Variants in ROBO1 observed in about 807,000 individuals in gnomAD.
ROBO1 encodes the protein roundabout homolog 1.
Under a neutral mutation model 195.9 loss-of-function variants are expected in ROBO1, and 149 were observed. The ratio of observed to expected loss-of-function variants is 0.76; its 90% CI spans 0.67 to 0.87. The LOEUF (loss-of-function observed/expected upper bound fraction) is 0.87. Ranked by LOEUF, ROBO1 falls within the 40% of genes least tolerant of loss-of-function variation. The probability of loss-of-function intolerance (pLI) is 0.00; values close to 1 mark genes in which losing one functional copy is unlikely to be tolerated. For missense variants in ROBO1, 1,933 were observed against 2,068.3 expected (o/e 0.93, Z 1.27); for synonymous variants, 816 against 733.2 (o/e 1.11, Z -1.82).
At chr3:79,644,679 G>GAC (rs1945765948) in intron 1 of ROBO1, among the ~76,000 whole-genome samples, 1 of 152,056 alleles carries the variant, frequency 6.6e-6, no homozygotes, top group Admixed American at 6.6e-5. Flanking sequence ...TTTTGGTGGG[G>GAC]ACACAGCCAA....
At chr3:79,320,790 T>A (rs2033947249) in intron 2 of ROBO1, among the ~76,000 whole-genome samples, 1 of 152,252 alleles carries the variant, frequency 6.6e-6, no homozygotes, top group African/African-American at 2.4e-5. Flanking sequence ...TCAGAGTGGA[T>A]GTAAACAAAT....
intron 1 of ROBO1, among the ~76,000 whole-genome samples, chr3:79,693,383 T>TTG (rs55667736): frequency 0.033 from 4,797 of 145,168 alleles, 161 homozygotes; most frequent in African/African-American, 0.085. Flanking sequence ...ATATAGAGAT[T>TTG]TGTGTGTGTG....
chr3:79,530,757 A>C (rs1193104749), intron 2 of ROBO1, among the ~76,000 whole-genome samples: 1 of 12,278 alleles, frequency 8.1e-5, no homozygotes, highest in Non-Finnish European at 1.7e-4. Flanking sequence ...CCTTGTAACC[A>C]CACACACACA....
chr3:79,336,426 G>T (rs1350883011), intron 2 of ROBO1, among the ~76,000 whole-genome samples: 1 of 152,224 alleles, frequency 6.6e-6, no homozygotes, highest in Non-Finnish European at 1.5e-5. Flanking sequence ...CCAACGTACT[G>T]CTCAGGCAAT....
At chr3:79,447,470 A>C (rs539121147) in intron 2 of ROBO1, among the ~76,000 whole-genome samples, 1 of 152,306 alleles carries the variant, frequency 6.6e-6, no homozygotes, top group East Asian at 1.9e-4. Flanking sequence ...AGTGGTATCG[A>C]AAAAAGGATT....
At chr3:78,868,767 T>C (rs2035344171) in intron 4 of ROBO1, among the ~76,000 whole-genome samples, 1 of 152,186 alleles carries the variant, frequency 6.6e-6, no homozygotes, top group Non-Finnish European at 1.5e-5. Flanking sequence ...CACAGCTGTC[T>C]TCCATTACAT....
chr3:78,628,528 G>A (rs1704969143), intron 25 of ROBO1, among the ~76,000 whole-genome samples: 1 of 151,930 alleles, frequency 6.6e-6, no homozygotes, highest in African/African-American at 2.4e-5. Context: ...CTTATCCCAG[G>A]GCGTATGTTT....
At chr3:79,560,291 C>A (rs866639648) in intron 2 of ROBO1, among the ~76,000 whole-genome samples, 1 of 145,214 alleles carries the variant, frequency 6.9e-6, no homozygotes, top group East Asian at 2.0e-4. Context: ...GGACAAAAAA[C>A]CAAACACCGC....
chr3:78,672,846 G>A (rs574076572), intron 10 of ROBO1, among the ~76,000 whole-genome samples: 1 of 152,194 alleles, frequency 6.6e-6, no homozygotes, highest in African/African-American at 2.4e-5. Flanking sequence ...AATAAAATAG[G>A]AAGTGTAAGA....
intron 14 of ROBO1, among the ~76,000 whole-genome samples, chr3:78,667,055 T>A (rs1707779164): frequency 6.6e-6 from 1 of 152,118 alleles, no homozygotes; most frequent in Non-Finnish European, 1.5e-5. Flanking sequence ...ATAAAAGGTA[T>A]CCAGATATCT....
Position 79,206,735 on chromosome 3 carries a change from G to A in ROBO1, c.89-81196C>T, listed in dbSNP as rs185746788. ...GTTAAAATAATTTTGATTATTTTGGGAATAAATGACAATGGAAATAAATGA... is the reference window on the plus strand; with the variant it reads ...GTTAAAATAATTTTGATTATTTTGGAAATAAATGACAATGGAAATAAATGA... On this transcript the variant is annotated intron_variant, in intron 2 of 30. Coordinates refer to ENST00000464233, the MANE Select transcript of ROBO1 (RefSeq NM_002941.4). Among the ~76,000 whole-genome samples the A allele has an allele frequency of 3.7e-3, 562 of 152,154 alleles. 4 individuals carry two copies. Among genetic ancestry groups the A allele is most frequent in the Middle Eastern group, 0.01 (3 of 294 alleles).
chr3:79,264,266 G>A lies in ROBO1; in HGVS notation c.89-138727C>T, dbSNP rs186612190. Among the ~76,000 whole-genome samples the A allele has an allele frequency of 5.1e-4, 77 of 151,912 alleles. 1 individual carries two copies. In the East Asian group the frequency reaches 0.014, roughly 27 times the overall value. On this transcript the variant is annotated intron_variant, in intron 2 of 30. Coordinates refer to ENST00000464233, the MANE Select transcript of ROBO1 (RefSeq NM_002941.4). Reference sequence around the variant, plus strand: ...CCAGTACAATTCCTTTGCACATGTGGTTCTTTCTGAGAGAAAGAATATCCT... The same window carrying A: ...CCAGTACAATTCCTTTGCACATGTGATTCTTTCTGAGAGAAAGAATATCCT...
At chr3:78,974,181 T>C (rs1350317343) in intron 3 of ROBO1, among the ~76,000 whole-genome samples, 1 of 152,150 alleles carries the variant, frequency 6.6e-6, no homozygotes, top group Non-Finnish European at 1.5e-5. Flanking sequence ...CATGGGCCAA[T>C]ATAACAATTT....
intron 8 of ROBO1, among the ~76,000 whole-genome samples, chr3:78,703,693 T>C (rs773047756): frequency 2.6e-5 from 4 of 152,008 alleles, no homozygotes; most frequent in Non-Finnish European, 4.4e-5. Context: ...CTCTTGAGAT[T>C]AGTATTAAGA....
chr3:79,747,888 A>G (rs1703943442), intron 1 of ROBO1, among the ~76,000 whole-genome samples: 1 of 152,074 alleles, frequency 6.6e-6, no homozygotes, highest in South Asian at 2.1e-4. Flanking sequence ...AGAAAACAAA[A>G]ACAAGAAAAA....
chr3:79,273,896 C>G (rs971289299), intron 2 of ROBO1, among the ~76,000 whole-genome samples: 1 of 151,658 alleles, frequency 6.6e-6, no homozygotes, highest in Non-Finnish European at 1.5e-5. Context: ...TACTATAGTT[C>G]AAAAAACTGT....
intron 1 of ROBO1, among the ~76,000 whole-genome samples, chr3:79,682,532 T>C (rs1946980447): frequency 6.6e-6 from 1 of 152,014 alleles, no homozygotes; most frequent in Non-Finnish European, 1.5e-5. Flanking sequence ...TAGTCAATCT[T>C]GGAAAAATGG....
chr3:78,943,283 G>C (rs186473566), intron 3 of ROBO1, among the ~76,000 whole-genome samples: 27 of 152,274 alleles, frequency 1.8e-4, no homozygotes, highest in Non-Finnish European at 3.4e-4. Context: ...TGATGTACAG[G>C]AAGTAATGAC....
chr3:79,237,044 T>C (rs1214761413), intron 2 of ROBO1, among the ~76,000 whole-genome samples: 4 of 152,178 alleles, frequency 2.6e-5, no homozygotes, highest in Non-Finnish European at 5.9e-5. Flanking sequence ...GAAAAAATGT[T>C]ATAAATCATC....
Sources: allele counts gnomAD v4.1 joint callset (sites outside exome capture counted in the v4.1 genomes callset), GRCh38; gene constraint gnomAD v4.1.1; transcripts MANE v1.5; gene names NCBI Gene and HGNC (gene_info 2026-07-23, HGNC 2026-07-21).